HSPBAP1: variants seen among roughly 807,000 people sequenced by gnomAD.
The protein encoded by HSPBAP1 is HSPB1 associated protein 1.
HSPBAP1 carries 27 observed loss-of-function variants against 45.2 expected under a neutral mutation model. That is an observed-to-expected ratio of 0.60 (90% CI 0.44 to 0.82). The LOEUF (loss-of-function observed/expected upper bound fraction) is 0.82, where lower values mean the gene tolerates loss of function less well. Among genes scored for constraint, HSPBAP1 ranks in the 40% least tolerant of loss-of-function variants. HSPBAP1 has a pLI of 0.00. For missense variants in HSPBAP1, 510 were observed against 590.9 expected (o/e 0.86, Z 1.42); for synonymous variants, 204 against 202.7 (o/e 1.01, Z -0.06).
intron 1 of HSPBAP1, among the ~76,000 whole-genome samples, chr3:122,790,990 G>A (rs750778921): frequency 7.2e-5 from 11 of 151,890 alleles, no homozygotes; most frequent in African/African-American, 1.5e-4. Context: ...TTCAACATCA[G>A]TTACTAAGGC....
At chr3:122,744,688 T>A (rs144088630) in intron 6 of HSPBAP1, among the ~76,000 whole-genome samples, 1 of 152,348 alleles carries the variant, frequency 6.6e-6, no homozygotes, top group East Asian at 1.9e-4. Context: ...CTGTTTATAG[T>A]CAACGATACT....
intron 6 of HSPBAP1, among the ~76,000 whole-genome samples, chr3:122,750,132 G>A (rs1194394655): frequency 6.6e-6 from 1 of 150,924 alleles, no homozygotes; most frequent in African/African-American, 2.4e-5. Flanking sequence ...GTGCCACTAT[G>A]CCCAGCTAAT....
chr3:122,769,830 C>T (rs1934924294), intron 2 of HSPBAP1, among the ~76,000 whole-genome samples: 1 of 152,222 alleles, frequency 6.6e-6, no homozygotes, highest in African/African-American at 2.4e-5. Context: ...GAGGCATGTG[C>T]CACCACGTCT....
chr3:122,745,782 G>A (rs928681398), intron 6 of HSPBAP1, among the ~76,000 whole-genome samples: 1 of 152,092 alleles, frequency 6.6e-6, no homozygotes, highest in African/African-American at 2.4e-5. Context: ...GAAAGTTCTC[G>A]ACTTAATAAG....
At chr3:122,789,498 T>C (rs1160695215) in intron 1 of HSPBAP1, among the ~76,000 whole-genome samples, 1 of 152,244 alleles carries the variant, frequency 6.6e-6, no homozygotes, top group Non-Finnish European at 1.5e-5. Flanking sequence ...ATAAGTAGTT[T>C]CATGTTTGTT....
At chr3:122,758,920 C>A (rs76020932) in intron 4 of HSPBAP1, 12,118 of 347,378 alleles carry the variant, frequency 0.035, 284 homozygotes, top group Middle Eastern at 0.051. Flanking sequence ...AAAAAAAGAC[C>A]AAGCAGAGAG....
chr3:122,774,685 G>A lies in HSPBAP1; in HGVS notation c.250+3036C>T, dbSNP rs187022791. ...TGCAGAGAGACTAGGATGAGGCCAC[G>A]CAACTATGGAGGTGAGAGACAGCGA... is the stretch of plus-strand genomic sequence containing the variant. On this transcript the variant is annotated intron_variant, in intron 2 of 7. Transcript: ENST00000306103. Among the ~76,000 whole-genome samples, 255 of 152,320 alleles carry A rather than the reference G, an allele frequency of 1.7e-3. 1 individual carries two copies. The highest frequency in any genetic ancestry group is 5.7e-3 in the African/African-American group (235 of 41,574).
At chr3:122,786,295 T>G (rs988830463) in intron 1 of HSPBAP1, 6 of 152,198 alleles carry the variant, frequency 3.9e-5, no homozygotes, top group African/African-American at 1.4e-4. Flanking sequence ...ATTCTTTCAG[T>G]TCCAAGCTTG....
At chr3:122,777,613 AAAAAAAGGAT>A in intron 2 of HSPBAP1, 98 bp downstream of exon 2, 1 of 727,364 alleles carries the variant, frequency 1.4e-6, no homozygotes, top group East Asian at 2.7e-5. Context: ...GTGAATGGTC[AAAAAAAGGAT>A]TAGAAAGAAA....
chr3:122,781,975 A>G (rs933275706), intron 1 of HSPBAP1, among the ~76,000 whole-genome samples: 3 of 152,240 alleles, frequency 2.0e-5, no homozygotes, highest in Non-Finnish European at 4.4e-5. Context: ...GATTTTTCTC[A>G]TACTAAATTT....
chr3:122,748,812 A>G lies in HSPBAP1; in HGVS notation c.825+3779T>C, dbSNP rs544187087. Reference sequence around the variant, plus strand: ...AGGTTATTCAGTGGCATTATTTGTAATTACAAAAGACTGGAAACAACCCAA... The same window carrying G: ...AGGTTATTCAGTGGCATTATTTGTAGTTACAAAAGACTGGAAACAACCCAA... On this transcript the variant is annotated intron_variant, in intron 6 of 7. Coordinates refer to ENST00000306103, the MANE Select transcript of HSPBAP1 (RefSeq NM_024610.6). Among the ~76,000 whole-genome samples the G allele has an allele frequency of 5.3e-5, 8 of 152,362 alleles. No individual in the cohort carries two copies. The East Asian group carries it at 1.3e-3, about 26-fold the overall frequency.
chr3:122,792,970 T>G (rs150542039), intron 1 of HSPBAP1, among the ~76,000 whole-genome samples: 2 of 152,270 alleles, frequency 1.3e-5, no homozygotes, highest in East Asian at 3.9e-4. Flanking sequence ...AGATCCCTCC[T>G]CCTAACAACC....
Position 122,793,601 on chromosome 3 carries a change from T to C in HSPBAP1, c.64+16A>G. On this transcript the variant is annotated intron_variant, in intron 1 of 7. Transcript: ENST00000306103. ...TTGGGTTTGTACTCAGGGTCGGACC[T>C]CAGCCTGGCACCTACCTTCCTCCCC... is the stretch of plus-strand genomic sequence containing the variant. The C allele has an allele frequency of 6.2e-7, 1 of 1,613,192 alleles. No homozygotes were observed. The highest frequency in any genetic ancestry group is 1.1e-5 in the South Asian group (1 of 91,060).
At chr3:122,783,764 T>A (rs574998836) in intron 1 of HSPBAP1, among the ~76,000 whole-genome samples, 1 of 146,074 alleles carries the variant, frequency 6.8e-6, no homozygotes, top group South Asian at 2.2e-4. Flanking sequence ...CAGATTTCTC[T>A]CAGCCTTTAT....
intron 2 of HSPBAP1, among the ~76,000 whole-genome samples, chr3:122,770,977 C>A (rs1431473443): frequency 1.3e-5 from 2 of 152,280 alleles, no homozygotes; most frequent in South Asian, 2.1e-4. Flanking sequence ...CTGGGGCGGA[C>A]TAAGCAGGAC....
chr3:122,774,001 T>C (rs1342672023), intron 2 of HSPBAP1, among the ~76,000 whole-genome samples: 2 of 152,172 alleles, frequency 1.3e-5, no homozygotes, highest in Non-Finnish European at 2.9e-5. Context: ...AACCCTCACA[T>C]GTTCTGAAAA....
At chr3:122,765,203 T>C (rs1408161541) in intron 3 of HSPBAP1, among the ~76,000 whole-genome samples, 2 of 152,224 alleles carry the variant, frequency 1.3e-5, no homozygotes, top group Admixed American at 1.3e-4. Flanking sequence ...AATGTCCATT[T>C]AAGGGGCTGT....
At chr3:122,751,697 A>G (rs1284433771) in intron 6 of HSPBAP1, among the ~76,000 whole-genome samples, 2 of 152,194 alleles carry the variant, frequency 1.3e-5, no homozygotes, top group African/African-American at 2.4e-5. Flanking sequence ...CTACCTTGAC[A>G]TCTGCTGCAA....
At chr3:122,747,276 T>C (rs1318128497) in intron 6 of HSPBAP1, among the ~76,000 whole-genome samples, 2 of 150,650 alleles carry the variant, frequency 1.3e-5, no homozygotes, top group Non-Finnish European at 3.0e-5. Flanking sequence ...GCCCATCGTC[T>C]GAGATGTGGG....
Sources: allele counts gnomAD v4.1 joint callset (sites outside exome capture counted in the v4.1 genomes callset), GRCh38; gene constraint gnomAD v4.1.1; transcripts MANE v1.5; gene names NCBI Gene and HGNC (gene_info 2026-07-23, HGNC 2026-07-21).